The following SLC26A7 variants were observed in gnomAD, a reference collection of about 807,000 sequenced individuals.
SLC26A7 encodes solute carrier family 26 member 7, also known as anion exchange transporter.
A neutral mutation model predicts 82.5 loss-of-function variants in SLC26A7; 59 were observed. That is an observed-to-expected ratio of 0.72 (90% CI 0.58 to 0.89). The LOEUF is 0.89. Among genes scored for constraint, SLC26A7 ranks in the 40% least tolerant of loss-of-function variants. The pLI is 0.00. For missense variants in SLC26A7, 820 were observed against 793.0 expected (o/e 1.03, Z -0.41); for synonymous variants, 271 against 274.3 (o/e 0.99, Z 0.12).
At chr8:91,267,893 C>A (rs1299802247) in intron 2 of SLC26A7, among the ~76,000 whole-genome samples, 4 of 151,704 alleles carry the variant, frequency 2.6e-5, no homozygotes, top group African/African-American at 4.8e-5. Flanking sequence ...TTGCTATAAA[C>A]TTCTCTCTTA....
intron 2 of SLC26A7, among the ~76,000 whole-genome samples, chr8:91,223,719 C>T (rs1176426805): frequency 6.6e-6 from 1 of 152,116 alleles, no homozygotes; most frequent in Non-Finnish European, 1.5e-5. Flanking sequence ...GCAAGTTGGC[C>T]TGTCTTGCTA....
At chr8:91,351,676 T>C in intron 9 of SLC26A7, 134 bp from the exon 10 acceptor site, 1 of 637,778 alleles carries the variant, frequency 1.6e-6, no homozygotes, top group Non-Finnish European at 2.7e-6. Flanking sequence ...CTAAGCAATT[T>C]AACAGTTATG....
Position 91,249,850 on chromosome 8 carries a change from G to A in SLC26A7, c.193+6G>A. The A allele has an allele frequency of 6.3e-7, 1 of 1,591,460 alleles. No individual in the cohort carries two copies. The highest frequency in any genetic ancestry group is 8.5e-7 in the Non-Finnish European group (1 of 1,171,334). On this transcript the variant is annotated splice_donor_region_variant and intron_variant, in intron 2 of 18. Transcript: ENST00000276609. ...AGTTCAACAGGTGACCCAAGGTAAT[G>A]TATTGCATTTGAGTTTCCTGTATTA...
chr8:91,279,044 C>G (rs772899536), intron 2 of SLC26A7, among the ~76,000 whole-genome samples: 8 of 149,704 alleles, frequency 5.3e-5, no homozygotes, highest in Non-Finnish European at 8.9e-5. Context: ...ATATGTCCTT[C>G]AAATTCATCT....
intron 11 of SLC26A7, among the ~76,000 whole-genome samples, chr8:91,353,251 T>A (rs1813770273): frequency 1.3e-5 from 2 of 152,138 alleles, no homozygotes; most frequent in African/African-American, 2.4e-5. Flanking sequence ...GCTAATAATT[T>A]CAGTGGATTT....
intron 4 of SLC26A7, among the ~76,000 whole-genome samples, chr8:91,308,241 G>A (rs1812377133): frequency 1.4e-5 from 2 of 147,060 alleles, no homozygotes; most frequent in South Asian, 4.3e-4. Context: ...TTTTTAGGAG[G>A]AAGAGGTGTG....
chr8:91,383,104 A>G (rs1348911063), intron 15 of SLC26A7, among the ~76,000 whole-genome samples: 1 of 152,164 alleles, frequency 6.6e-6, no homozygotes, highest in Non-Finnish European at 1.5e-5. Flanking sequence ...ATGATAGGGC[A>G]ATAATAATCT....
At position 91,295,536 on chromosome 8, in the gene SLC26A7, T is replaced by G; in HGVS notation, c.310T>G (p.Phe104Val). Residue 104 changes from phenylalanine to valine, a missense_variant, in exon 4 of 19, where the codon TTT becomes GTT. Transcript: ENST00000276609. ...CCCACACCACTTGGTTTCAGGCACC[T>G]TTGCCTTGACATCCTTAATATCAGC... ...GMGHHVATGT[F>V]ALTSLISANA... 6.2e-7 allele frequency: 1 copy of G among 1,611,742 alleles called. No individual in the cohort carries two copies. The highest frequency in any genetic ancestry group is 8.5e-7 in the Non-Finnish European group (1 of 1,178,870).
chr8:91,358,965 G>A (rs1157141777), intron 11 of SLC26A7, among the ~76,000 whole-genome samples: 2 of 152,106 alleles, frequency 1.3e-5, no homozygotes, highest in African/African-American at 4.8e-5. Context: ...AGAATTAGGA[G>A]ATATACCTAA....
intron 15 of SLC26A7, among the ~76,000 whole-genome samples, chr8:91,388,754 T>A (rs1814872570): frequency 6.6e-6 from 1 of 152,126 alleles, no homozygotes; most frequent in African/African-American, 2.4e-5. Flanking sequence ...GTTGTTTTCA[T>A]CAGGTAGATT....
intron 16 of SLC26A7, among the ~76,000 whole-genome samples, chr8:91,392,504 C>T (rs1040021147): frequency 2.0e-5 from 3 of 152,100 alleles, no homozygotes; most frequent in African/African-American, 7.2e-5. Context: ...TATTTTTTCT[C>T]ATTTTAAAAA....
Position 91,393,903 on chromosome 8 carries a change from A to G in SLC26A7, c.1832-33A>G, listed in dbSNP as rs775544216. The G allele has an allele frequency of 1.1e-5, 17 of 1,612,478 alleles. No individual in the cohort carries two copies. In the East Asian group the frequency reaches 2.2e-4, roughly 21 times the overall value. On this transcript the variant is annotated intron_variant, in intron 17 of 18. Coordinates refer to ENST00000276609, the MANE Select transcript of SLC26A7 (RefSeq NM_052832.4). The stretch of plus-strand genomic sequence containing the variant: ...GAATGTGATTTTTCTGCACTTCCAC[A>G]TGTATTCTTATATCACTTGTGCTTT...
At chr8:91,300,361 A>G (rs1307164726) in intron 4 of SLC26A7, among the ~76,000 whole-genome samples, 1 of 151,080 alleles carries the variant, frequency 6.6e-6, no homozygotes, top group East Asian at 1.9e-4. Context: ...GAATTCTTTT[A>G]GTATTTGAAT....
At chr8:91,234,824 CCTA>C (rs1563637499) in intron 2 of SLC26A7, among the ~76,000 whole-genome samples, 30 of 117,406 alleles carry the variant, frequency 2.6e-4, no homozygotes, top group African/African-American at 3.7e-4. Context: ...TACCTACCTA[CCTA>C]CTTCCTTCCT....
chr8:91,325,009 A>G (rs2130817669), intron 5 of SLC26A7, among the ~76,000 whole-genome samples: 1 of 152,296 alleles, frequency 6.6e-6, no homozygotes, highest in East Asian at 1.9e-4. Flanking sequence ...GGAATTTCAG[A>G]AATTTTGTGA....
intron 15 of SLC26A7, among the ~76,000 whole-genome samples, chr8:91,376,389 T>A (rs191887350): frequency 3.3e-5 from 5 of 152,316 alleles, no homozygotes; most frequent in African/African-American, 1.2e-4. Flanking sequence ...ATGGGACTTT[T>A]ACATTTTTCA....
At chr8:91,319,130 A>G (rs1352922961) in intron 5 of SLC26A7, among the ~76,000 whole-genome samples, 1 of 152,162 alleles carries the variant, frequency 6.6e-6, no homozygotes, top group Admixed American at 6.5e-5. Context: ...AACTCAATGA[A>G]TGGAGTATGG....
chr8:91,364,441 T>C (rs1472816867), intron 13 of SLC26A7, among the ~76,000 whole-genome samples: 3 of 152,154 alleles, frequency 2.0e-5, no homozygotes, highest in Non-Finnish European at 4.4e-5. Context: ...TTTAATACTA[T>C]GGACAGATTT....
chr8:91,353,658 A>G (rs1037602982), intron 11 of SLC26A7, among the ~76,000 whole-genome samples: 9 of 152,136 alleles, frequency 5.9e-5, no homozygotes, highest in African/African-American at 2.2e-4. Flanking sequence ...CTCTATTATG[A>G]CAGTCACCAT....
Sources: allele counts gnomAD v4.1 joint callset (sites outside exome capture counted in the v4.1 genomes callset), GRCh38; gene constraint gnomAD v4.1.1; transcripts MANE v1.5; gene names NCBI Gene and HGNC (gene_info 2026-07-23, HGNC 2026-07-21).